BRINP3: variants seen among roughly 807,000 people sequenced by gnomAD.
BRINP3 encodes BMP/retinoic acid inducible neural specific 3.
A neutral mutation model predicts 71.0 loss-of-function variants in BRINP3; 19 were observed. The ratio of observed to expected loss-of-function variants is 0.27; its 90% confidence interval spans 0.19 to 0.39. The LOEUF (loss-of-function observed/expected upper bound fraction) is 0.39. Among genes scored for constraint, BRINP3 ranks in the 10% least tolerant of loss-of-function variants. The probability of loss-of-function intolerance (pLI) is 1.00; values close to 1 mark genes in which losing one functional copy is unlikely to be tolerated. For missense variants in BRINP3, 959 were observed against 940.8 expected, an observed-to-expected ratio of 1.02 and a Z score of -0.25; for synonymous variants, 380 against 337.7, an observed-to-expected ratio of 1.13 and a Z score of -1.37.
chr1:190,343,904 T>C (rs750026705), intron 2 of BRINP3, among the ~76,000 whole-genome samples: 1 of 151,752 alleles, frequency 6.6e-6, no homozygotes, highest in Non-Finnish European at 1.5e-5. Flanking sequence ...CCTAAGTCCA[T>C]GGTGCCAAAA....
chr1:190,207,349 G>C (rs1326846060), intron 6 of BRINP3, among the ~76,000 whole-genome samples: 1 of 152,084 alleles, frequency 6.6e-6, no homozygotes, highest in African/African-American at 2.4e-5. Context: ...TGCTTGTTCA[G>C]AGTTCACACA....
At chr1:190,248,719 G>A (rs1211526538) in intron 4 of BRINP3, among the ~76,000 whole-genome samples, 1 of 151,188 alleles carries the variant, frequency 6.6e-6, no homozygotes, top group African/African-American at 2.4e-5. Context: ...ATGGAGATTT[G>A]AACTCTATGA....
intron 4 of BRINP3, among the ~76,000 whole-genome samples, chr1:190,253,846 C>T (rs993799036): frequency 3.3e-5 from 5 of 152,148 alleles, no homozygotes; most frequent in Admixed American, 1.3e-4. Context: ...TTGCCCATGC[C>T]TATGTCCTGA....
intron 6 of BRINP3, among the ~76,000 whole-genome samples, chr1:190,172,177 AAAC>A (rs920328602): frequency 2.0e-5 from 3 of 148,792 alleles, no homozygotes; most frequent in African/African-American, 7.5e-5. Context: ...TGAAAAATAA[AAAC>A]AATGTGATTA....
chr1:190,262,435 A>G (rs1371004857), intron 4 of BRINP3, among the ~76,000 whole-genome samples: 1 of 152,084 alleles, frequency 6.6e-6, no homozygotes, highest in Non-Finnish European at 1.5e-5. Context: ...CTATGTTGTT[A>G]CCAGCTGGTG....
rs1048236904 is a variant in BRINP3, at chr1:190,444,793, C to A, written c.236+9862G>T. Reference sequence around the variant, plus strand: ...TGGTGATCTGTCTGCCTTGGCCCCCCCAAGGTGCTGGGATTACAGGCGTGA... The same window carrying A: ...TGGTGATCTGTCTGCCTTGGCCCCCACAAGGTGCTGGGATTACAGGCGTGA... On this transcript the variant is annotated intron_variant, in intron 2 of 7. Transcript: ENST00000367462. Among the ~76,000 whole-genome samples, 12 of 152,204 alleles carry A rather than the reference C, an allele frequency of 7.9e-5. No individual in the cohort carries two copies. In the East Asian group the frequency reaches 1.2e-3, roughly 15 times the overall value.
intron 7 of BRINP3, among the ~76,000 whole-genome samples, chr1:190,143,371 CT>C (rs1206939221): frequency 6.6e-6 from 1 of 152,146 alleles, no homozygotes; most frequent in African/African-American, 2.4e-5. Context: ...TCCCCAGCTT[CT>C]GAATGCAAAG....
chr1:190,278,118 C>G (rs1183957516), intron 3 of BRINP3, among the ~76,000 whole-genome samples: 1 of 151,478 alleles, frequency 6.6e-6, no homozygotes, highest in East Asian at 1.9e-4. Context: ...GGGGAAAAAG[C>G]CATTTTTCAT....
chr1:190,105,770 C>G (rs76472995), intron 7 of BRINP3, among the ~76,000 whole-genome samples: 50 of 152,018 alleles, frequency 3.3e-4, no homozygotes, highest in African/African-American at 1.1e-3. Context: ...AATTTTCTGT[C>G]CACATCTATG....
intron 7 of BRINP3, among the ~76,000 whole-genome samples, chr1:190,150,721 C>T (rs1226472750): frequency 2.0e-5 from 3 of 152,102 alleles, no homozygotes; most frequent in Non-Finnish European, 4.4e-5. Flanking sequence ...AAAAGATTCT[C>T]ATACTTTGAG....
intron 1 of BRINP3, among the ~76,000 whole-genome samples, chr1:190,463,677 G>A (rs1318777777): frequency 6.6e-6 from 1 of 151,774 alleles, no homozygotes; most frequent in African/African-American, 2.4e-5. Flanking sequence ...AAAAGAATGA[G>A]AGCCTCATTA....
chr1:190,336,852 TTCCC>T (rs1362393092), intron 2 of BRINP3, among the ~76,000 whole-genome samples: 3 of 127,902 alleles, frequency 2.3e-5, no homozygotes, highest in Non-Finnish European at 4.9e-5. Flanking sequence ...CCTTCCTTCC[TTCCC>T]TCCTTCCTTC....
chr1:190,232,181 C>A (rs1658057525), intron 5 of BRINP3, among the ~76,000 whole-genome samples: 1 of 151,866 alleles, frequency 6.6e-6, no homozygotes, highest in African/African-American at 2.4e-5. Context: ...ACTAGCTAAC[C>A]CCAAAAGACA....
intron 7 of BRINP3, among the ~76,000 whole-genome samples, chr1:190,123,064 C>T (rs931183212): frequency 1.3e-5 from 2 of 152,110 alleles, no homozygotes; most frequent in African/African-American, 4.8e-5. Context: ...TACCTGTCTT[C>T]TCAAACTGAG....
intron 2 of BRINP3, among the ~76,000 whole-genome samples, chr1:190,338,409 G>C (rs1200031455): frequency 6.6e-6 from 1 of 151,826 alleles, no homozygotes; most frequent in African/African-American, 2.4e-5. Flanking sequence ...TTGTTGAAAA[G>C]GTAAACTTTA....
intron 2 of BRINP3, among the ~76,000 whole-genome samples, chr1:190,399,447 C>T (rs1671787543): frequency 6.6e-6 from 1 of 151,882 alleles, no homozygotes; most frequent in Non-Finnish European, 1.5e-5. Context: ...GAAAGTGACA[C>T]TTCGCGAGCA....
At chr1:190,396,093 T>C (rs1165829884) in intron 2 of BRINP3, among the ~76,000 whole-genome samples, 1 of 151,900 alleles carries the variant, frequency 6.6e-6, no homozygotes, top group Non-Finnish European at 1.5e-5. Context: ...GTCATCCTCC[T>C]AACAAAATTT....
intron 6 of BRINP3, among the ~76,000 whole-genome samples, chr1:190,164,837 C>T (rs1367204250): frequency 2.0e-5 from 3 of 151,734 alleles, no homozygotes; most frequent in Admixed American, 6.6e-5. Flanking sequence ...CGACCCAAAA[C>T]GCTGGAGTTT....
intron 7 of BRINP3, chr1:190,153,875 A>G (rs1656639069): frequency 6.4e-6 from 1 of 155,798 alleles, no homozygotes; most frequent in Admixed American, 6.6e-5. Flanking sequence ...GTAAAGAAAT[A>G]ATTTGGAGGC....
Sources: gnomAD v4.1 joint callset for allele counts (sites outside exome capture counted in the v4.1 genomes callset) on GRCh38, gnomAD v4.1.1 for gene constraint, MANE v1.5 for transcripts, NCBI Gene and HGNC (gene_info 2026-07-23, HGNC 2026-07-21) for gene names.